ZBTB38: variants seen among roughly 807,000 people sequenced by gnomAD.
The protein encoded by ZBTB38 is zinc finger and BTB domain-containing protein 38.
A neutral mutation model predicts 76.8 loss-of-function variants in ZBTB38; 20 were observed. That is an observed-to-expected ratio of 0.26 (90% CI 0.18 to 0.38). The LOEUF is 0.38. Among genes scored for constraint, ZBTB38 ranks in the 10% least tolerant of loss-of-function variants. The probability of loss-of-function intolerance (pLI) is 1.00; values close to 1 mark genes in which losing one functional copy is unlikely to be tolerated. For synonymous variants in ZBTB38, 504 were observed against 544.2 expected, an observed-to-expected ratio of 0.93 and a Z score of 1.03; for missense variants, 1,082 against 1,482.3, an observed-to-expected ratio of 0.73 and a Z score of 4.43.
At chr3:141,348,957 G>T (rs755243708) in intron 1 of ZBTB38, among the ~76,000 whole-genome samples, 2 of 152,196 alleles carry the variant, frequency 1.3e-5, no homozygotes, top group African/African-American at 2.4e-5. Flanking sequence ...GAGTAAGGGT[G>T]GGGGAGGCTA....
intron 5 of ZBTB38, among the ~76,000 whole-genome samples, chr3:141,414,342 G>A (rs924657366): frequency 5.3e-5 from 8 of 152,178 alleles, no homozygotes; most frequent in East Asian, 1.9e-4. Flanking sequence ...CCGCTGATCC[G>A]AATTCCCTCA....
At chr3:141,407,116 A>T (rs2149722468) in intron 5 of ZBTB38, among the ~76,000 whole-genome samples, 1 of 152,354 alleles carries the variant, frequency 6.6e-6, no homozygotes, top group Admixed American at 6.5e-5. Context: ...ATATCCCTTA[A>T]TAGAATTGAG....
intron 2 of ZBTB38, among the ~76,000 whole-genome samples, chr3:141,377,763 T>C (rs965649976): frequency 6.6e-6 from 1 of 152,224 alleles, no homozygotes; most frequent in African/African-American, 2.4e-5. Flanking sequence ...GAAATACTAT[T>C]CAGCAATAAA....
chr3:141,343,934 C>T (rs988950503), intron 1 of ZBTB38, among the ~76,000 whole-genome samples: 9 of 152,126 alleles, frequency 5.9e-5, no homozygotes, highest in Non-Finnish European at 1.2e-4. Context: ...CACCCAAGGG[C>T]CTCTAACAGT....
chr3:141,373,602 T>C (rs1944941301), intron 2 of ZBTB38, among the ~76,000 whole-genome samples: 1 of 152,258 alleles, frequency 6.6e-6, no homozygotes, highest in African/African-American at 2.4e-5. Flanking sequence ...TAGGGCTTTA[T>C]AATTTCTCAC....
At chr3:141,346,650 T>C (rs1943363442) in intron 1 of ZBTB38, among the ~76,000 whole-genome samples, 1 of 152,058 alleles carries the variant, frequency 6.6e-6, no homozygotes, top group African/African-American at 2.4e-5. Context: ...GAGGGGTAAA[T>C]AGGAAATGAG....
intron 5 of ZBTB38, among the ~76,000 whole-genome samples, chr3:141,431,341 A>AATATATATATATATATAT (rs1553771301): frequency 0.017 from 1,722 of 102,768 alleles, 26 homozygotes; most frequent in Non-Finnish European, 0.025. Flanking sequence ...AAAAAAAAAA[A>AATATATATATATATATAT]ATATATATAT....
intron 5 of ZBTB38, among the ~76,000 whole-genome samples, chr3:141,414,034 A>G (rs920395449): frequency 6.6e-6 from 1 of 152,234 alleles, no homozygotes; most frequent in African/African-American, 2.4e-5. Flanking sequence ...TAAATTTTAG[A>G]AGGACAATGA....
chr3:141,398,161 G>A (rs370345707), intron 4 of ZBTB38, among the ~76,000 whole-genome samples: 1 of 152,188 alleles, frequency 6.6e-6, no homozygotes, highest in African/African-American at 2.4e-5. Flanking sequence ...GATGTGGCCC[G>A]AGGGACCAAA....
chr3:141,440,901 G>A (rs1165682880), intron 5 of ZBTB38, among the ~76,000 whole-genome samples: 1 of 151,856 alleles, frequency 6.6e-6, no homozygotes, highest in East Asian at 1.9e-4. Flanking sequence ...GGGCGTGGTG[G>A]CATGCACCTG....
chr3:141,344,675 T>C (rs1943291424), intron 1 of ZBTB38, among the ~76,000 whole-genome samples: 2 of 152,196 alleles, frequency 1.3e-5, no homozygotes, highest in African/African-American at 4.8e-5. Context: ...CACCCAGCTC[T>C]TCCATCTTCA....
chr3:141,346,967 A>T (rs1576658751), intron 1 of ZBTB38, among the ~76,000 whole-genome samples: 2 of 152,290 alleles, frequency 1.3e-5, no homozygotes, highest in South Asian at 2.1e-4. Flanking sequence ...CTGGTTCAGC[A>T]CTTCCGCCAC....
intron 2 of ZBTB38, among the ~76,000 whole-genome samples, chr3:141,375,682 G>C (rs1945267625): frequency 6.6e-6 from 1 of 152,230 alleles, no homozygotes; most frequent in Non-Finnish European, 1.5e-5. Flanking sequence ...AGCAGGGTCA[G>C]GGCAAGTGCC....
chr3:141,406,453 G>A (rs923233334), intron 5 of ZBTB38, among the ~76,000 whole-genome samples: 8 of 152,204 alleles, frequency 5.3e-5, no homozygotes, highest in Non-Finnish European at 8.8e-5. Context: ...CTGACACTGC[G>A]ATTTCCAGAG....
intron 5 of ZBTB38, chr3:141,434,039 C>T (rs1424016921): frequency 1.2e-5 from 3 of 243,826 alleles, no homozygotes; most frequent in East Asian, 1.8e-4. Flanking sequence ...TCACCAACAA[C>T]GGATTGTCAT....
intron 1 of ZBTB38, among the ~76,000 whole-genome samples, chr3:141,359,467 G>A (rs1050441706): frequency 6.6e-6 from 1 of 152,206 alleles, no homozygotes; most frequent in Admixed American, 6.5e-5. Flanking sequence ...TGCCCAGCAA[G>A]AAGGAAGGAA....
chr3:141,376,204 G>A (rs995020522), intron 2 of ZBTB38, among the ~76,000 whole-genome samples: 2 of 152,176 alleles, frequency 1.3e-5, no homozygotes, highest in Non-Finnish European at 2.9e-5. Context: ...TGGACAGACT[G>A]CTCAGCTCCC....
intron 1 of ZBTB38, among the ~76,000 whole-genome samples, chr3:141,353,844 G>A (rs1943585349): frequency 6.6e-6 from 1 of 152,130 alleles, no homozygotes; most frequent in African/African-American, 2.4e-5. Flanking sequence ...CTTCTTGGAA[G>A]CTATCCTGGA....
intron 1 of ZBTB38, among the ~76,000 whole-genome samples, chr3:141,358,379 G>A (rs6795398): frequency 0.12 from 17,592 of 152,192 alleles, 2,573 homozygotes; most frequent in African/African-American, 0.34. Context: ...GAAGCCTTGC[G>A]ATCTGTCCAA....
Sources: gnomAD v4.1 joint callset for allele counts (sites outside exome capture counted in the v4.1 genomes callset) on GRCh38, gnomAD v4.1.1 for gene constraint, MANE v1.5 for transcripts, NCBI Gene and HGNC (gene_info 2026-07-23, HGNC 2026-07-21) for gene names.